The following NCKAP5 variants were observed in gnomAD, a reference collection of about 807,000 sequenced individuals.
NCKAP5 encodes the protein nck-associated protein 5.
NCKAP5 carries 92 observed loss-of-function variants against 167.0 expected under a neutral mutation model. The observed-to-expected ratio is 0.55, with a 90% CI of 0.47 to 0.66. The LOEUF is 0.66. Ranked by LOEUF, NCKAP5 falls within the 30% of genes least tolerant of loss-of-function variation. NCKAP5 has a pLI of 0.00. For missense variants in NCKAP5, 2,378 were observed against 2,315.0 expected (o/e 1.03, Z -0.56); for synonymous variants, 891 against 877.4 (o/e 1.02, Z -0.27).
intron 6 of NCKAP5, among the ~76,000 whole-genome samples, chr2:133,061,338 G>T (rs578126950): frequency 2.0e-5 from 3 of 152,136 alleles, no homozygotes; most frequent in Admixed American, 2.0e-4. Flanking sequence ...GGGCCCCCAC[G>T]CTAGGCACCG....
At chr2:132,738,242 C>A (rs1691701670) in intron 16 of NCKAP5, among the ~76,000 whole-genome samples, 1 of 152,126 alleles carries the variant, frequency 6.6e-6, no homozygotes, top group African/African-American at 2.4e-5. Context: ...TTTCTTAGTA[C>A]TTTAAAGTCC....
chr2:133,046,411 C>T (rs1305461129), intron 6 of NCKAP5, among the ~76,000 whole-genome samples: 1 of 151,870 alleles, frequency 6.6e-6, no homozygotes. Context: ...ACAGAGTCTC[C>T]CTCTGTCCCC....
intron 15 of NCKAP5, among the ~76,000 whole-genome samples, chr2:132,774,479 A>T (rs978303337): frequency 8.6e-5 from 13 of 151,340 alleles, no homozygotes; most frequent in Admixed American, 7.9e-4. Flanking sequence ...TTATCTAGAT[A>T]TTTTTTTTTG....
chr2:133,124,680 A>G (rs141578382), intron 6 of NCKAP5, among the ~76,000 whole-genome samples: 1 of 152,290 alleles, frequency 6.6e-6, no homozygotes, highest in East Asian at 1.9e-4. Flanking sequence ...TCTAAATTCT[A>G]CTTTTTCTTG....
At chr2:132,949,318 C>T (rs906785749) in intron 8 of NCKAP5, among the ~76,000 whole-genome samples, 1 of 152,140 alleles carries the variant, frequency 6.6e-6, no homozygotes, top group Non-Finnish European at 1.5e-5. Flanking sequence ...AGACAGTGAA[C>T]AACTCACTCG....
At chr2:133,051,559 T>G (rs2079608104) in intron 6 of NCKAP5, among the ~76,000 whole-genome samples, 3 of 152,140 alleles carry the variant, frequency 2.0e-5, no homozygotes, top group Admixed American at 2.0e-4. Flanking sequence ...TTTGCTAGCA[T>G]TCACAGGATG....
chr2:133,061,808 G>C (rs2080013260), intron 6 of NCKAP5, among the ~76,000 whole-genome samples: 1 of 152,072 alleles, frequency 6.6e-6, no homozygotes, highest in Non-Finnish European at 1.5e-5. Flanking sequence ...ATTAGTACCT[G>C]GTGGCTATTG....
At chr2:133,648,056 G>C in the NCKAP5 span, among the ~76,000 whole-genome samples, 10 of 152,176 alleles carry the variant, frequency 6.6e-5, no homozygotes, top group Non-Finnish European at 1.2e-4. Flanking sequence ...GTTATTCCAT[G>C]CAAATGGTAA....
At chr2:133,579,429 G>C in the NCKAP5 span, among the ~76,000 whole-genome samples, 1 of 152,210 alleles carries the variant, frequency 6.6e-6, no homozygotes, top group African/African-American at 2.4e-5. Flanking sequence ...GGTCAAAATG[G>C]AACATGAGAA....
rs541146367 is a variant in NCKAP5 at position 133,159,954 on chromosome 2, TAC to T, written c.208-29845_208-29844del. Among the ~76,000 whole-genome samples the T allele has an allele frequency of 6.8e-3, 1,038 of 152,288 alleles. 5 individuals carry two copies. The highest frequency in any genetic ancestry group is 0.011 in the Non-Finnish European group (774 of 68,016). The stretch of plus-strand genomic sequence containing the variant: ...GGAGCAAAAGGAAGGGAACTGTTTG[TAC>T]ACATGATGGGGATATGTAGTCCCTC... On this transcript the variant is annotated intron_variant, in intron 5 of 19. Coordinates refer to ENST00000409261, the MANE Select transcript of NCKAP5 (RefSeq NM_207363.3).
At chr2:133,366,470 AT>A (rs1420392597) in intron 3 of NCKAP5, among the ~76,000 whole-genome samples, 1 of 151,916 alleles carries the variant, frequency 6.6e-6, no homozygotes. Context: ...GCCCAGCTAA[AT>A]TTTGTATTTT....
chr2:133,320,545 G>A (rs1283924400), intron 3 of NCKAP5, among the ~76,000 whole-genome samples: 1 of 152,112 alleles, frequency 6.6e-6, no homozygotes, highest in Non-Finnish European at 1.5e-5. Flanking sequence ...TGGCTAACAT[G>A]GTGAAACCCC....
intron 8 of NCKAP5, among the ~76,000 whole-genome samples, chr2:132,880,828 C>T (rs769113527): frequency 1.3e-5 from 2 of 152,114 alleles, no homozygotes; most frequent in Non-Finnish European, 2.9e-5. Context: ...AAATTGTTAA[C>T]GTTTTGCCAC....
At chr2:133,666,712 T>G in the NCKAP5 span, among the ~76,000 whole-genome samples, 1 of 151,922 alleles carries the variant, frequency 6.6e-6, no homozygotes, top group Non-Finnish European at 1.5e-5. Flanking sequence ...TATAATAGAA[T>G]AGATGATAAT....
chr2:132,723,507 TC>T (rs201292590), intron 19 of NCKAP5, among the ~76,000 whole-genome samples: 3,259 of 152,218 alleles, frequency 0.021, 88 homozygotes, highest in African/African-American at 0.074. Flanking sequence ...CTGTTCTCAC[TC>T]CCTGTGTTGT....
chr2:133,094,276 G>A (rs868556858), intron 6 of NCKAP5, among the ~76,000 whole-genome samples: 1 of 151,400 alleles, frequency 6.6e-6, no homozygotes, highest in Non-Finnish European at 1.5e-5. Context: ...AGCCATTGTG[G>A]ATTGGTGTAT....
At chr2:133,656,078 C>G in the NCKAP5 span, among the ~76,000 whole-genome samples, 2 of 152,172 alleles carry the variant, frequency 1.3e-5, no homozygotes. Context: ...TCTCCCTGTT[C>G]AAACACACAA....
chr2:133,396,291 C>T (rs1179704410), intron 3 of NCKAP5, among the ~76,000 whole-genome samples: 1 of 152,016 alleles, frequency 6.6e-6, no homozygotes, highest in African/African-American at 2.4e-5. Flanking sequence ...GTTGCAAGGG[C>T]TTTTTAAATT....
chr2:133,412,124 A>G (rs554874392), intron 3 of NCKAP5, among the ~76,000 whole-genome samples: 19 of 152,226 alleles, frequency 1.2e-4, no homozygotes, highest in Non-Finnish European at 2.1e-4. Context: ...TCTAGCCCCC[A>G]TGGTGATGTT....
Sources: allele counts gnomAD v4.1 joint callset (sites outside exome capture counted in the v4.1 genomes callset), GRCh38; gene constraint gnomAD v4.1.1; transcripts MANE v1.5; gene names NCBI Gene and HGNC (gene_info 2026-07-23, HGNC 2026-07-21).